Variants in SIPA1L1 observed in about 807,000 individuals in gnomAD.
SIPA1L1 encodes the protein signal induced proliferation associated 1 like 1.
A neutral mutation model predicts 162.7 loss-of-function variants in SIPA1L1; 26 were observed. That is an observed-to-expected ratio of 0.16 (90% CI 0.12 to 0.22). The LOEUF (loss-of-function observed/expected upper bound fraction) is 0.22, where lower values mean the gene tolerates loss of function less well. Among genes scored for constraint, SIPA1L1 ranks in the 10% least tolerant of loss-of-function variants. The probability of loss-of-function intolerance (pLI) is 1.00; values close to 1 mark genes in which losing one functional copy is unlikely to be tolerated. For missense variants in SIPA1L1, 1,874 were observed against 2,241.0 expected (o/e 0.84, Z 3.31); for synonymous variants, 829 against 837.4 (o/e 0.99, Z 0.17).
intron 2 of SIPA1L1, among the ~76,000 whole-genome samples, chr14:71,461,411 C>T (rs953733370): frequency 1.1e-4 from 16 of 152,114 alleles, no homozygotes; most frequent in African/African-American, 2.7e-4. Context: ...TGGGTGATGA[C>T]GGGTGGCTGG....
At chr14:71,667,069 A>G (rs142096189) in intron 10 of SIPA1L1, among the ~76,000 whole-genome samples, 10 of 152,170 alleles carry the variant, frequency 6.6e-5, no homozygotes, top group Non-Finnish European at 1.5e-4. Flanking sequence ...CATTTAGAGG[A>G]AAGTTCAGAC....
At chr14:71,385,304 G>T (rs1197099069) in intron 2 of SIPA1L1, among the ~76,000 whole-genome samples, 2 of 152,158 alleles carry the variant, frequency 1.3e-5, no homozygotes, top group African/African-American at 4.8e-5. Flanking sequence ...CCTTGTCTTT[G>T]GTGGAGTGAG....
intron 21 of SIPA1L1, among the ~76,000 whole-genome samples, chr14:71,734,053 C>T (rs2087707682): frequency 6.6e-6 from 1 of 152,242 alleles, no homozygotes; most frequent in South Asian, 2.1e-4. Context: ...TCGCCTCCTC[C>T]GTATATGGGA....
intron 7 of SIPA1L1, among the ~76,000 whole-genome samples, chr14:71,648,958 A>G (rs1016829223): frequency 6.6e-6 from 1 of 152,184 alleles, no homozygotes; most frequent in African/African-American, 2.4e-5. Flanking sequence ...AACAGGGGTA[A>G]TATTTGCCTT....
intron 2 of SIPA1L1, among the ~76,000 whole-genome samples, chr14:71,479,573 A>AT (rs554995049): frequency 1.7e-4 from 25 of 147,350 alleles, no homozygotes; most frequent in South Asian, 1.1e-3. Context: ...TTTATTTTTT[A>AT]TTTTTTTTAT....
intron 2 of SIPA1L1, among the ~76,000 whole-genome samples, chr14:71,335,683 TTA>T (rs1217538199): frequency 6.6e-6 from 1 of 152,206 alleles, no homozygotes; most frequent in Non-Finnish European, 1.5e-5. Flanking sequence ...GATAGTTTTC[TTA>T]TATGTTTTGA....
At chr14:71,504,977 GA>G (rs1300733510) in intron 2 of SIPA1L1, among the ~76,000 whole-genome samples, 6 of 152,168 alleles carry the variant, frequency 3.9e-5, no homozygotes. Context: ...TGGGAGCAAT[GA>G]AAAGCCATGT....
intron 2 of SIPA1L1, among the ~76,000 whole-genome samples, chr14:71,430,248 C>T (rs1348343041): frequency 6.6e-6 from 1 of 151,454 alleles, no homozygotes; most frequent in Non-Finnish European, 1.5e-5. Context: ...TTATTCTTTT[C>T]CTTTTTTTTT....
intron 17 of SIPA1L1, among the ~76,000 whole-genome samples, chr14:71,713,441 G>A (rs553666362): frequency 1.3e-5 from 2 of 152,284 alleles, no homozygotes; most frequent in African/African-American, 2.4e-5. Flanking sequence ...TAAACTCTAC[G>A]AAGTATGACA....
intron 2 of SIPA1L1, among the ~76,000 whole-genome samples, chr14:71,348,848 A>G (rs2036430041): frequency 6.6e-6 from 1 of 152,238 alleles, no homozygotes; most frequent in Non-Finnish European, 1.5e-5. Context: ...GTTCTTACTC[A>G]CTTAAAATAA....
chr14:71,573,793 G>A (rs80279976), intron 4 of SIPA1L1: 11,132 of 445,470 alleles, frequency 0.025, 194 homozygotes, highest in Non-Finnish European at 0.034. Flanking sequence ...GTTAACAGTG[G>A]TTACTGGTAT....
intron 4 of SIPA1L1, among the ~76,000 whole-genome samples, chr14:71,537,626 T>C (rs1456456510): frequency 6.6e-6 from 1 of 152,208 alleles, no homozygotes; most frequent in Admixed American, 6.5e-5. Flanking sequence ...CATTCCTCCT[T>C]CTCATTCCTT....
rs117291709 is a variant in SIPA1L1, at chr14:71,701,507, C to T, written c.3522-874C>T. 1.9e-3 allele frequency among the ~76,000 whole-genome samples: 283 copies of T among 152,132 alleles called. 6 individuals carry two copies. In the East Asian group the frequency reaches 0.048, roughly 26 times the overall value. ...CTGGGATTACAGGCGTGAGCCACTGCTCCTGGCCCCTATTTGGTCTTTTAT... is the reference window on the plus strand; with the variant it reads ...CTGGGATTACAGGCGTGAGCCACTGTTCCTGGCCCCTATTTGGTCTTTTAT... On this transcript the variant is annotated intron_variant, in intron 14 of 23. Transcript: ENST00000381232.
chr14:71,491,846 C>T (rs2049311009), intron 2 of SIPA1L1, among the ~76,000 whole-genome samples: 2 of 138,984 alleles, frequency 1.4e-5, no homozygotes, highest in African/African-American at 5.3e-5. Context: ...GAAGAGTTGG[C>T]ATTTGTAGGC....
intron 2 of SIPA1L1, among the ~76,000 whole-genome samples, chr14:71,450,203 T>C (rs534554633): frequency 3.2e-4 from 49 of 152,282 alleles, no homozygotes; most frequent in African/African-American, 1.1e-3. Flanking sequence ...CAGAAATAAA[T>C]ATATGTAACT....
chr14:71,547,980 G>T (rs976081804), intron 4 of SIPA1L1, among the ~76,000 whole-genome samples: 3 of 152,170 alleles, frequency 2.0e-5, no homozygotes, highest in Non-Finnish European at 4.4e-5. Flanking sequence ...TTATTCAGTA[G>T]CTCTGCTTAT....
Position 71,529,243 on chromosome 14 carries a change from A to G in SIPA1L1, c.-361-69A>G, listed in dbSNP as rs150358929. 1,566 of 523,530 alleles carry G rather than the reference A, an allele frequency of 3.0e-3. 8 individuals are homozygous for G. Among genetic ancestry groups the G allele is most frequent in the Non-Finnish European group, 3.0e-3 (876 of 292,234 alleles). The allele number at this position is 523,530 out of a possible 1,614,324, so 32.4% of individuals were successfully genotyped here. On this transcript the variant is annotated intron_variant, in intron 3 of 23. Transcript: ENST00000381232. Reference sequence around the variant, plus strand: ...AACAAAGATAAGACCTGTGTAAGTTATACAGCTATTGTATTTTAGTGAAAT... The same window carrying G: ...AACAAAGATAAGACCTGTGTAAGTTGTACAGCTATTGTATTTTAGTGAAAT...
intron 5 of SIPA1L1, among the ~76,000 whole-genome samples, chr14:71,608,759 G>A (rs899402080): frequency 2.0e-5 from 3 of 152,058 alleles, no homozygotes; most frequent in Non-Finnish European, 4.4e-5. Flanking sequence ...GCCGGGCGTG[G>A]TGGTGCATGC....
chr14:71,595,828 C>T (rs1212509562), intron 5 of SIPA1L1, among the ~76,000 whole-genome samples: 1 of 152,140 alleles, frequency 6.6e-6, no homozygotes, highest in East Asian at 1.9e-4. Context: ...TGTGTTCAAC[C>T]TACGATCTCT....
Sources: gnomAD v4.1 joint callset for allele counts (sites outside exome capture counted in the v4.1 genomes callset) on GRCh38, gnomAD v4.1.1 for gene constraint, MANE v1.5 for transcripts, NCBI Gene and HGNC (gene_info 2026-07-23, HGNC 2026-07-21) for gene names.